The following PCBD2 variants were observed in gnomAD, a reference collection of about 807,000 sequenced individuals.
PCBD2 encodes the protein pterin-4-alpha-carbinolamine dehydratase 2.
A neutral mutation model predicts 16.4 loss-of-function variants in PCBD2; 12 were observed. The ratio of observed to expected loss-of-function variants is 0.73; its 90% CI spans 0.47 to 1.19. The LOEUF is 1.19. Among genes scored for constraint, PCBD2 ranks in the 50% most tolerant of loss-of-function variants. The pLI is 0.00. For synonymous variants in PCBD2, 58 were observed against 61.8 expected (o/e 0.94, Z 0.29); for missense variants, 138 against 156.8 (o/e 0.88, Z 0.64).
intron 2 of PCBD2, among the ~76,000 whole-genome samples, chr5:134,930,585 G>T (rs1247514332): frequency 1.3e-5 from 2 of 152,202 alleles, no homozygotes; most frequent in African/African-American, 4.8e-5. Flanking sequence ...TGTTCTGCAT[G>T]CAGTACTGAG....
intron 2 of PCBD2, among the ~76,000 whole-genome samples, chr5:134,935,028 G>T (rs1751142982): frequency 6.6e-6 from 1 of 152,174 alleles, no homozygotes; most frequent in Non-Finnish European, 1.5e-5. Context: ...CCATTAAGTT[G>T]ATTTGTTCAA....
chr5:134,942,995 A>G (rs915860686), intron 2 of PCBD2, among the ~76,000 whole-genome samples: 27 of 152,248 alleles, frequency 1.8e-4, no homozygotes, highest in Non-Finnish European at 5.9e-5. Context: ...ATGGACATTT[A>G]GAGTCTTTCT....
intron 2 of PCBD2, chr5:134,928,140 T>C: frequency 2.6e-6 from 1 of 391,678 alleles, no homozygotes. Flanking sequence ...AAGACTAGTA[T>C]GGCGATAGGT....
chr5:134,952,630 C>T (rs531590469), intron 2 of PCBD2, among the ~76,000 whole-genome samples: 3 of 152,022 alleles, frequency 2.0e-5, no homozygotes, highest in East Asian at 3.9e-4. Context: ...ATAACAAGAC[C>T]CCATTTCTAC....
chr5:134,955,433 G>A (rs960727017), intron 2 of PCBD2, among the ~76,000 whole-genome samples: 1 of 150,408 alleles, frequency 6.6e-6, no homozygotes, highest in Non-Finnish European at 1.5e-5. Context: ...TCAACCTCCC[G>A]AGTAGCTGGG....
chr5:134,910,409 G>A lies in PCBD2; in HGVS notation c.159G>A (p.Ser53=), dbSNP rs769229919. ...AILDLKAAGW[S]ELSERDAIYK... ...TTGACCTTAAAGCAGCAGGATGGTCGGAATTAAGTGAGAGAGATGCCATCT... is the reference window on the plus strand; with the variant it reads ...TTGACCTTAAAGCAGCAGGATGGTCAGAATTAAGTGAGAGAGATGCCATCT... Residue 53 remains serine (S), a synonymous_variant, in exon 2 of 4, where the codon TCG becomes TCA. Transcript: ENST00000254908. The A allele has an allele frequency of 6.0e-5, 97 of 1,614,004 alleles. No individual in the cohort carries two copies. Among genetic ancestry groups the A allele is most frequent in the Non-Finnish European group, 7.7e-5 (91 of 1,179,870 alleles).
At chr5:134,909,938 T>C in intron 1 of PCBD2, among the ~76,000 whole-genome samples, 1 of 152,202 alleles carries the variant, frequency 6.6e-6, no homozygotes, top group Admixed American at 6.5e-5. Context: ...GGTGTGGTGG[T>C]GTGCACCTGT....
At chr5:134,942,248 A>G (rs1046978438) in intron 2 of PCBD2, among the ~76,000 whole-genome samples, 3 of 151,902 alleles carry the variant, frequency 2.0e-5, no homozygotes, top group Non-Finnish European at 4.4e-5. Context: ...GTACCTAAAG[A>G]TGCACACATG....
intron 2 of PCBD2, among the ~76,000 whole-genome samples, chr5:134,938,487 C>G (rs1751187721): frequency 6.6e-6 from 1 of 152,220 alleles, no homozygotes; most frequent in South Asian, 2.1e-4. Context: ...GGTGTCCTCT[C>G]ACCCTTTTGT....
At chr5:134,936,232 G>C (rs147652467) in intron 2 of PCBD2, among the ~76,000 whole-genome samples, 126 of 152,326 alleles carry the variant, frequency 8.3e-4, no homozygotes, top group African/African-American at 2.9e-3. Context: ...TGTGACCCTG[G>C]CTTGCTGTGC....
intron 2 of PCBD2, among the ~76,000 whole-genome samples, chr5:134,929,312 A>T (rs994508092): frequency 1.3e-5 from 2 of 151,390 alleles, no homozygotes; most frequent in Non-Finnish European, 2.9e-5. Flanking sequence ...GTGCTACTGC[A>T]CTGCAACCTG....
chr5:134,936,447 A>G (rs868836987), intron 2 of PCBD2, among the ~76,000 whole-genome samples: 49 of 152,368 alleles, frequency 3.2e-4, no homozygotes, highest in African/African-American at 1.2e-3. Context: ...GAGCCCAGGA[A>G]GGTGCTGGGT....
At chr5:134,922,902 T>C (rs1750922113) in intron 2 of PCBD2, among the ~76,000 whole-genome samples, 1 of 152,114 alleles carries the variant, frequency 6.6e-6, no homozygotes, top group Non-Finnish European at 1.5e-5. Context: ...GGTCTCGATC[T>C]CCTGACCTCG....
intron 3 of PCBD2, 120 bp downstream of exon 3, chr5:134,959,240 C>T (rs1751447338): frequency 1.4e-6 from 1 of 710,500 alleles, no homozygotes; most frequent in South Asian, 2.2e-5. Flanking sequence ...TCCTTTCTCT[C>T]AGAATCCCTG....
rs17167700 is a variant in PCBD2 at position 134,936,974 on chromosome 5, T to G, written c.217-22066T>G. On this transcript the variant is annotated intron_variant, in intron 2 of 3. Coordinates refer to ENST00000254908, the MANE Select transcript of PCBD2 (RefSeq NM_032151.5). ...AGGTATAGGAAAAATGGCTATAATT[T>G]AAAACCAAATGAGCCAATTTTATAG... Among the ~76,000 whole-genome samples, 1,458 of 152,324 alleles carry G rather than the reference T, an allele frequency of 9.6e-3. 24 individuals are homozygous for G. Among genetic ancestry groups the G allele is most frequent in the African/African-American group, 0.033 (1,378 of 41,562 alleles).
intron 2 of PCBD2, among the ~76,000 whole-genome samples, chr5:134,939,866 C>T (rs889781896): frequency 6.6e-6 from 1 of 152,238 alleles, no homozygotes; most frequent in Non-Finnish European, 1.5e-5. Context: ...CATGAAAAAC[C>T]AGCCCTCTCT....
At chr5:134,906,615 A>G (rs982965011) in intron 1 of PCBD2, among the ~76,000 whole-genome samples, 3 of 152,108 alleles carry the variant, frequency 2.0e-5, no homozygotes, top group African/African-American at 7.2e-5. Flanking sequence ...GGTGCTAGTG[A>G]TCCAGTAAGA....
At chr5:134,945,064 A>G (rs1405671326) in intron 2 of PCBD2, among the ~76,000 whole-genome samples, 1 of 152,248 alleles carries the variant, frequency 6.6e-6, no homozygotes, top group Non-Finnish European at 1.5e-5. Flanking sequence ...TGACTTGAGT[A>G]TGTCTCAAAT....
intron 2 of PCBD2, among the ~76,000 whole-genome samples, chr5:134,956,762 C>G (rs1751420150): frequency 1.3e-5 from 2 of 152,172 alleles, no homozygotes; most frequent in Admixed American, 1.3e-4. Context: ...GATTCTCAAG[C>G]CCATGGAGAG....
Sources: allele counts gnomAD v4.1 joint callset (sites outside exome capture counted in the v4.1 genomes callset), GRCh38; gene constraint gnomAD v4.1.1; transcripts MANE v1.5; gene names NCBI Gene and HGNC (gene_info 2026-07-23, HGNC 2026-07-21).